The following ADAMTS13 variants were observed in gnomAD, a reference collection of about 807,000 sequenced individuals.
The protein encoded by ADAMTS13 is ADAM metallopeptidase with thrombospondin type 1 motif 13, also known as A disintegrin and metalloproteinase with thrombospondin motifs 13.
ADAMTS13 carries 110 observed loss-of-function variants against 155.1 expected under a neutral mutation model. The observed-to-expected ratio is 0.71, with a 90% CI of 0.61 to 0.83. The LOEUF (loss-of-function observed/expected upper bound fraction) is 0.83. ADAMTS13 is among the 40% of genes least tolerant of loss of function. The probability of loss-of-function intolerance (pLI) is 0.00; values close to 1 mark genes in which losing one functional copy is unlikely to be tolerated. For synonymous variants in ADAMTS13, 758 were observed against 756.4 expected (o/e 1.00, Z -0.03); for missense variants, 1,707 against 1,891.7 (o/e 0.90, Z 1.81).
At chr9:133,432,083 G>A (rs966960111) in intron 8 of ADAMTS13, among the ~76,000 whole-genome samples, 2 of 152,198 alleles carry the variant, frequency 1.3e-5, no homozygotes, top group African/African-American at 4.8e-5. Flanking sequence ...GACCAACATG[G>A]AGAAATGCCA....
upstream of ADAMTS13, chr9:133,422,069 C>T (rs963460520): frequency 1.1e-5 from 3 of 276,566 alleles, no homozygotes; most frequent in Admixed American, 1.5e-4. Flanking sequence ...GGGAGTCAGC[C>T]GAGGTCCTGG....
chr9:133,448,520 G>A, intron 21 of ADAMTS13, 79 bp from the exon 22 acceptor site: 3 of 1,588,594 alleles, frequency 1.9e-6, no homozygotes, highest in South Asian at 2.2e-5. Context: ...TTATGTGCTA[G>A]AGGTGTCCAG....
chr9:133,450,058 A>T, intron 23 of ADAMTS13, 93 bp downstream of exon 23: 1 of 1,460,310 alleles, frequency 6.8e-7, no homozygotes. Flanking sequence ...AGCTACTTGG[A>T]AAGCTGAATC....
At position 133,440,488 on chromosome 9, in the gene ADAMTS13, G is replaced by A. The variant is rs782184721; in HGVS notation, c.1931G>A (p.Arg644His). The stretch of plus-strand genomic sequence containing the variant: ...CGGCTGCCCCGCCTGGAGGAGATCC[G>A]CATCTGGGGACCCCTCCAGGAAGAT... ...EDRLPRLEEI[R>H]IWGPLQEDAD... Residue 644 changes from arginine to histidine, a missense_variant, in exon 16 of 29, where the codon CGC becomes CAC. By Grantham distance (29) the Arg-to-His change is conservative (BLOSUM62 0). This residue lies in a region of ADAMTS13 where 961 missense variants were observed against 1,107.9 expected (regional missense o/e 0.87). Coordinates refer to ENST00000355699, the MANE Select transcript of ADAMTS13 (RefSeq NM_139027.6). The surrounding 1 kb of genome is among the most constrained non-coding windows in gnomAD (Gnocchi z 4.3). 14 of 1,611,954 alleles carry A rather than the reference G, an allele frequency of 8.7e-6. No homozygotes were observed. Among genetic ancestry groups the A allele is most frequent in the East Asian group, 6.7e-5 (3 of 44,824 alleles).
At position 133,428,631 on chromosome 9, in the gene ADAMTS13, C is replaced by T; in HGVS notation, c.687-3C>T. 1 of 1,322,854 alleles carries T rather than the reference C, an allele frequency of 7.6e-7. No homozygotes were observed. 81.9% of individuals were successfully genotyped at this position (1,322,854 alleles called of 1,614,324 possible). ...TTAGCGCAACTCCCCGCCCCCCGAC[C>T]AGCTTCGGCCTGGAGCACGACGGCG... On this transcript the variant is annotated splice_polypyrimidine_tract_variant and splice_region_variant and intron_variant, in intron 6 of 28. Coordinates refer to ENST00000355699, the MANE Select transcript of ADAMTS13 (RefSeq NM_139027.6).
At chr9:133,451,642 G>T (rs935659539) in intron 23 of ADAMTS13, among the ~76,000 whole-genome samples, 1 of 152,140 alleles carries the variant, frequency 6.6e-6, no homozygotes, top group African/African-American at 2.4e-5. Flanking sequence ...TGTAATCTCA[G>T]CACTTCAGGA....
At position 133,447,134 on chromosome 9, in the gene ADAMTS13, C is replaced by T. The variant is rs587661894; in HGVS notation, c.2731+1315C>T. Among the ~76,000 whole-genome samples, 6 of 152,246 alleles carry T rather than the reference C, an allele frequency of 3.9e-5. No individual in the cohort carries two copies. The East Asian group carries it at 5.8e-4, about 15-fold the overall frequency. ...CCTCCCAACGTGCTGGGATTACAGG[C>T]GTGAGCCCCCACACCTGGCCTATTT... On this transcript the variant is annotated intron_variant, in intron 21 of 28. Transcript: ENST00000355699.
Position 133,444,917 on chromosome 9 carries a change from C to T in ADAMTS13, c.2475C>T (p.Ala825=), listed in dbSNP as rs587601722. ...SCTSAGGAGL[A]LENETCVPGA... is the part of the protein sequence containing the mutation. ...CATCAGCTGGTGGAGCAGGCCTGGC[C>T]TTGGAGAACGAGACCTGTGTGCCAG... is the stretch of plus-strand genomic sequence containing the variant. The change falls in exon 20 of 29, where the codon GCC becomes GCT. Residue 825 remains alanine, a synonymous_variant. Coordinates refer to ENST00000355699, the MANE Select transcript of ADAMTS13 (RefSeq NM_139027.6). 1.9e-6 allele frequency: 3 copies of T among 1,613,432 alleles called. No individual in the cohort carries two copies. Among genetic ancestry groups the T allele is most frequent in the Non-Finnish European group, 2.5e-6 (3 of 1,180,036 alleles).
Position 133,444,993 on chromosome 9 carries a change from G to A in ADAMTS13, c.2551G>A (p.Glu851Lys). The change falls in exon 20 of 29, where the codon GAG becomes AAG. Residue 851 changes from glutamate to lysine, a missense_variant. Coordinates refer to ENST00000355699, the MANE Select transcript of ADAMTS13 (RefSeq NM_139027.6). ...GACTGAGGGGCCTGGCTCCGTAGAT[G>A]AGAAGCTGCCTGCCCCTGAGCCCTG... ...PVTEGPGSVD[E>K]KLPAPEPCVG... is the part of the protein sequence containing the mutation. The A allele has an allele frequency of 1.2e-6, 2 of 1,613,516 alleles. No homozygotes were observed. Among genetic ancestry groups the A allele is most frequent in the Non-Finnish European group, 8.5e-7 (1 of 1,180,030 alleles).
intron 1 of ADAMTS13, among the ~76,000 whole-genome samples, chr9:133,416,460 G>C (rs587732606): frequency 2.5e-4 from 38 of 152,262 alleles, no homozygotes; most frequent in African/African-American, 8.9e-4. Context: ...TGATCCTCCT[G>C]CCTGGGCCTC....
At position 133,430,043 on chromosome 9, in the gene ADAMTS13, A is replaced by T. The variant is rs1554786788; in HGVS notation, c.929A>T (p.Gln310Leu). The T allele has an allele frequency of 1.3e-6, 2 of 1,595,858 alleles. No individual in the cohort carries two copies. Among genetic ancestry groups the T allele is most frequent in the South Asian group, 2.2e-5 (2 of 89,818 alleles). ...GGCCTCTACTACAGCGCCAACGAGC[A>T]GTGCCGCGTGGCCTTCGGCCCCAAG... Reference protein sequence around the residue: ...QPGLYYSANEQCRVAFGPKAV... With the variant: ...QPGLYYSANELCRVAFGPKAV... The change falls in exon 8 of 29, where the codon CAG becomes CTG. Residue 310 changes from glutamine (Q) to leucine (L), a missense_variant. Physicochemically the swap from Gln to Leu is moderately radical, Grantham distance 113. Transcript: ENST00000355699.
chr9:133,448,469 G>A, intron 21 of ADAMTS13, 130 bp from the exon 22 acceptor site: 1 of 1,210,284 alleles, frequency 8.3e-7, no homozygotes, highest in East Asian at 2.3e-5. Context: ...AGGTCACACA[G>A]CTGGTAAGTG....
intron 7 of ADAMTS13, 157 bp from the exon 8 acceptor site, chr9:133,429,782 C>T (rs1554786544): frequency 2.0e-6 from 2 of 1,024,000 alleles, no homozygotes; most frequent in Admixed American, 2.0e-5. Context: ...CAGCCAAGAG[C>T]CGGCTCCTGG....
In ADAMTS13 at chr9:133,423,050, A is replaced by G. The variant is rs1840061266; in HGVS notation, c.106-51A>G. The G allele has an allele frequency of 2.6e-6, 4 of 1,558,008 alleles. No homozygotes were observed. In the African/African-American group the frequency reaches 4.1e-5, roughly 16 times the overall value. On this transcript the variant is annotated intron_variant, in intron 1 of 28. Coordinates refer to ENST00000355699, the MANE Select transcript of ADAMTS13 (RefSeq NM_139027.6). ...CTCGGTCTCCCCAAGTGTTAGGATTACAGGCCAGAGCCACTATGCCCGGCC... is the reference window on the plus strand; with the variant it reads ...CTCGGTCTCCCCAAGTGTTAGGATTGCAGGCCAGAGCCACTATGCCCGGCC...
intron 21 of ADAMTS13, among the ~76,000 whole-genome samples, chr9:133,448,259 T>C (rs587606475): frequency 3.2e-4 from 49 of 152,368 alleles, no homozygotes; most frequent in African/African-American, 1.1e-3. Context: ...ATTACAGGCG[T>C]GAGCCACTGT....
chr9:133,443,542 C>G lies in ADAMTS13; in HGVS notation c.2401C>G (p.Pro801Ala). 1.3e-6 allele frequency: 2 copies of G among 1,561,488 alleles called. No homozygotes were observed. The highest frequency in any genetic ancestry group is 1.7e-6 in the Non-Finnish European group (2 of 1,159,812). ...AGCTGTGGCGCTGGAAACCTGCAACCCCCAGCCCTGCCCTGCCAGGTGAGC... is the reference window on the plus strand; with the variant it reads ...AGCTGTGGCGCTGGAAACCTGCAACGCCCAGCCCTGCCCTGCCAGGTGAGC... ...QPAVALETCN[P>A]QPCPARWEVS... The change falls in exon 19 of 29, where the codon CCC (proline) becomes GCC (alanine). Residue 801 changes from proline (P) to alanine (A), a missense_variant. Physicochemically the swap from Pro to Ala is conservative, Grantham distance 27. Around this residue, in one of 3 missense-constraint regions of ADAMTS13, gnomAD observed 961 missense variants for 1,107.9 expected, o/e 0.87. Coordinates refer to ENST00000355699, the MANE Select transcript of ADAMTS13 (RefSeq NM_139027.6).
At chr9:133,450,025 C>T in intron 23 of ADAMTS13, 60 bp downstream of exon 23, 1 of 1,533,526 alleles carries the variant, frequency 6.5e-7, no homozygotes. Context: ...AGGCCAGGCG[C>T]TGTGGTGTGT....
intron 19 of ADAMTS13, among the ~76,000 whole-genome samples, chr9:133,444,105 C>A (rs1841893075): frequency 1.3e-5 from 2 of 152,216 alleles, no homozygotes; most frequent in Non-Finnish European, 2.9e-5. Flanking sequence ...TCATCCGTGG[C>A]AGACAAAACA....
At chr9:133,429,318 G>T (rs1840543833) in intron 7 of ADAMTS13, among the ~76,000 whole-genome samples, 1 of 74,558 alleles carries the variant, frequency 1.3e-5, no homozygotes, top group African/African-American at 5.5e-5. Flanking sequence ...TCGCCCCCTT[G>T]CGCCCACACT....
Sources: gnomAD v4.1 joint callset for allele counts (sites outside exome capture counted in the v4.1 genomes callset) on GRCh38, gnomAD v4.1.1 for gene constraint, gnomAD v4.1.1 regional missense constraint, Gnocchi (gnomAD v3.1) non-coding constraint, MANE v1.5 for transcripts, NCBI Gene and HGNC (gene_info 2026-07-23, HGNC 2026-07-21) for gene names.